JAK2: variants seen among roughly 807,000 people sequenced by gnomAD.
JAK2 encodes the protein Janus kinase 2.
A neutral mutation model predicts 139.3 loss-of-function variants in JAK2; 86 were observed. The ratio of observed to expected loss-of-function variants is 0.62; its 90% CI spans 0.52 to 0.74. The LOEUF is 0.74. Among genes scored for constraint, JAK2 ranks in the 30% least tolerant of loss-of-function variants. JAK2 has a pLI of 0.00. For synonymous variants in JAK2, 490 were observed against 437.7 expected (o/e 1.12, Z -1.49); for missense variants, 1,421 against 1,360.3 (o/e 1.04, Z -0.70).
At chr9:5,067,853 A>G (rs1225684269) in intron 10 of JAK2, among the ~76,000 whole-genome samples, 4 of 152,124 alleles carry the variant, frequency 2.6e-5, no homozygotes, top group African/African-American at 9.7e-5. Context: ...AGACAGGTTT[A>G]CAATTATTAA....
intron 23 of JAK2, among the ~76,000 whole-genome samples, chr9:5,123,340 T>C (rs893583074): frequency 1.3e-5 from 2 of 152,020 alleles, no homozygotes. Flanking sequence ...CTCTATTGTC[T>C]ATCATTCCAC....
At chr9:4,987,748 AAAAG>A (rs1289043530) in intron 2 of JAK2, among the ~76,000 whole-genome samples, 1 of 151,840 alleles carries the variant, frequency 6.6e-6, no homozygotes, top group Non-Finnish European at 1.5e-5. Context: ...AAAAAAAAAA[AAAAG>A]AAAGAAAAAA....
Position 5,064,943 on chromosome 9 carries a change from T to C in JAK2, c.1117T>C (p.Tyr373His), listed in dbSNP as rs368268750. ...TTTCGTGTCATTAATTGATGGATATTATAGATTAACTGCAGATGCACATCA... is the reference window on the plus strand; with the variant it reads ...TTTCGTGTCATTAATTGATGGATATCATAGATTAACTGCAGATGCACATCA... The part of the protein sequence containing the change: ...LSFVSLIDGY[Y>H]RLTADAHHYL... Residue 373 changes from tyrosine (Y) to histidine (H), a missense_variant, in exon 9 of 25, where the codon TAT becomes CAT. Tyr to His is a moderately conservative substitution (Grantham distance 83, BLOSUM62 2). Coordinates refer to ENST00000381652, the MANE Select transcript of JAK2 (RefSeq NM_004972.4). The C allele has an allele frequency of 1.9e-6, 3 of 1,605,486 alleles. No individual in the cohort carries two copies. The African/African-American group carries it at 4.0e-5, about 22-fold the overall frequency.
intron 19 of JAK2, chr9:5,086,045 C>T (rs980456094): frequency 9.3e-6 from 7 of 748,776 alleles, no homozygotes; most frequent in African/African-American, 1.7e-5. Context: ...GTGTTAAATG[C>T]TTCACAAGAT....
rs1563985309 is a variant in JAK2 at position 5,081,871 on chromosome 9, C to G, written c.2571+10C>G. 6.2e-7 allele frequency: 1 copy of G among 1,606,444 alleles called. No homozygotes were observed. ...ACAGCAACTTGGCAAGGTAAATTGT[C>G]AGAATTTTTTCAAATAGAGTATAAT... is the stretch of plus-strand genomic sequence containing the variant. On this transcript the variant is annotated intron_variant, in intron 19 of 24. Coordinates refer to ENST00000381652, the MANE Select transcript of JAK2 (RefSeq NM_004972.4).
chr9:5,089,890 A>C lies in JAK2; in HGVS notation c.2761+27A>C, dbSNP rs764107968. 2.1e-6 allele frequency: 3 copies of C among 1,417,934 alleles called. No homozygotes were observed. The Admixed American group carries it at 7.8e-5, about 37-fold the overall frequency. The allele number at this position is 1,417,934 out of a possible 1,614,324, so 87.8% of individuals were successfully genotyped here. On this transcript the variant is annotated intron_variant, in intron 20 of 24. Coordinates refer to ENST00000381652, the MANE Select transcript of JAK2 (RefSeq NM_004972.4). ...TAAGCTGCCCATTGAAACCTATTTT[A>C]AATTCAAGGTATGTGTTTGGCATCC...
chr9:5,014,999 C>G (rs747677157), intron 2 of JAK2, among the ~76,000 whole-genome samples: 1 of 151,588 alleles, frequency 6.6e-6, no homozygotes, highest in African/African-American at 2.4e-5. Flanking sequence ...TTCAGTTTTG[C>G]TTGTTTTTGA....
chr9:5,067,808 G>T (rs941518864), intron 10 of JAK2, among the ~76,000 whole-genome samples: 1 of 152,100 alleles, frequency 6.6e-6, no homozygotes, highest in Non-Finnish European at 1.5e-5. Context: ...ATCGAACATT[G>T]TAATTATCTA....
intron 8 of JAK2, among the ~76,000 whole-genome samples, chr9:5,060,669 G>C (rs948889392): frequency 6.6e-6 from 1 of 152,080 alleles, no homozygotes; most frequent in African/African-American, 2.4e-5. Context: ...CATTGAAGTC[G>C]TGAACCCCTC....
Position 5,077,595 on chromosome 9 carries a change from CT to C in JAK2, c.1992+20del, listed in dbSNP as rs1281287035. ...TGCATTTTCTAGTAAGTAGTACAAC[CT>C]TTTTATCAAAAGATACTATTTTATT... On this transcript the variant is annotated intron_variant, in intron 15 of 24. Transcript: ENST00000381652. 1.4e-6 allele frequency: 2 copies of C among 1,445,552 alleles called. No homozygotes were observed. Among genetic ancestry groups the C allele is most frequent in the Non-Finnish European group, 1.8e-6 (2 of 1,092,670 alleles). The allele number at this position is 1,445,552 out of a possible 1,614,324, so 89.5% of individuals were successfully genotyped here. A position where few individuals can be genotyped will look rare whatever the true frequency, so the allele number is the denominator to read the frequency against.
intron 22 of JAK2, chr9:5,112,541 A>G: frequency 1.7e-6 from 1 of 599,464 alleles, no homozygotes. Context: ...GAGTGGGAGA[A>G]GCAGGTGGCC....
In JAK2 at chr9:5,070,747, G is replaced by A. The variant is rs144125154; in HGVS notation, c.1641+695G>A. 1.1e-4 allele frequency among the ~76,000 whole-genome samples: 16 copies of A among 152,124 alleles called. No homozygotes were observed. The East Asian group carries it at 3.1e-3, about 29-fold the overall frequency. ...AAAACCCACATATAAATGGACCTGTGCAGTCCAAACCCATGCTGTTCAAGG... is the reference window on the plus strand; with the variant it reads ...AAAACCCACATATAAATGGACCTGTACAGTCCAAACCCATGCTGTTCAAGG... On this transcript the variant is annotated intron_variant, in intron 12 of 24. Transcript: ENST00000381652.
At position 4,999,939 on chromosome 9, in the gene JAK2, C is replaced by T. The variant is rs117406090; in HGVS notation, c.-26+13917C>T. Among the ~76,000 whole-genome samples the T allele has an allele frequency of 3.3e-4, 50 of 152,194 alleles. 1 individual carries two copies. In the East Asian group the frequency reaches 9.1e-3, roughly 28 times the overall value. ...ATTCTTGTTTTCCTCATATCTTTGC[C>T]AACACTGGGTATTGGCATTCTTCTT... On this transcript the variant is annotated intron_variant, in intron 2 of 24. Coordinates refer to ENST00000381652, the MANE Select transcript of JAK2 (RefSeq NM_004972.4).
chr9:5,025,344 C>G (rs1822711491), intron 3 of JAK2, among the ~76,000 whole-genome samples: 1 of 152,130 alleles, frequency 6.6e-6, no homozygotes, highest in Admixed American at 6.5e-5. Context: ...GGTCTATTCT[C>G]TGTGATAGTA....
chr9:5,073,640 T>G, intron 13 of JAK2, 58 bp from the exon 14 acceptor site: 2 of 1,265,556 alleles, frequency 1.6e-6, no homozygotes, highest in Non-Finnish European at 2.3e-6. Context: ...GAGAATTTTC[T>G]GAACTATTTA....
Position 5,127,908 on chromosome 9 carries a change from T to C in JAK2, c.*1117T>C, listed in dbSNP as rs1057515595. 1 of 232,468 alleles carries C rather than the reference T, an allele frequency of 4.3e-6. No individual in the cohort carries two copies. Among genetic ancestry groups the C allele is most frequent in the East Asian group, 6.0e-5 (1 of 16,594 alleles). The allele number at this position is 232,468 out of a possible 1,614,324, so 14.4% of individuals were successfully genotyped here. On this transcript the variant is annotated 3_prime_UTR_variant, in exon 25 of 25. Coordinates refer to ENST00000381652, the MANE Select transcript of JAK2 (RefSeq NM_004972.4). ...GAGGTAAATAAGTAAAAAAGTATGC[T>C]TGTTAATTTTATTCAAGAATGCCAG...
chr9:5,113,052 A>G (rs796343198), intron 22 of JAK2, among the ~76,000 whole-genome samples: 3 of 152,216 alleles, frequency 2.0e-5, no homozygotes, highest in African/African-American at 7.2e-5. Context: ...CGCTGGGTCC[A>G]GGAGCTCCCT....
Position 5,072,591 on chromosome 9 carries a change from A to G in JAK2, c.1741A>G (p.Lys581Glu), listed in dbSNP as rs780152047. The G allele has an allele frequency of 6.2e-7, 1 of 1,610,152 alleles. No homozygotes were observed. Among genetic ancestry groups the G allele is most frequent in the Non-Finnish European group, 8.5e-7 (1 of 1,177,606 alleles). ...GQLHETEVLL[K>E]VLDKAHRNYS... ...ACTGCATGAAACAGAAGTTCTTTTA[A>G]AAGTTCTGGATAAAGCACACAGAAA... The change falls in exon 13 of 25, where the codon AAA (lysine) becomes GAA (glutamate). Residue 581 changes from lysine to glutamate, a missense_variant. Physicochemically the swap from Lys to Glu is moderately conservative, Grantham distance 56 (BLOSUM62 1). Coordinates refer to ENST00000381652, the MANE Select transcript of JAK2 (RefSeq NM_004972.4).
At chr9:5,021,304 T>A (rs1317425730) in intron 2 of JAK2, among the ~76,000 whole-genome samples, 1 of 152,218 alleles carries the variant, frequency 6.6e-6, no homozygotes, top group Non-Finnish European at 1.5e-5. Flanking sequence ...AGCAGGTGAG[T>A]ACCAGATAAC....
Sources: gnomAD v4.1 joint callset for allele counts (sites outside exome capture counted in the v4.1 genomes callset) on GRCh38, gnomAD v4.1.1 for gene constraint, MANE v1.5 for transcripts, NCBI Gene and HGNC (gene_info 2026-07-23, HGNC 2026-07-21) for gene names.